The following KALRN variants were observed in gnomAD, a reference collection of about 807,000 sequenced individuals.
KALRN encodes kalirin.
Under a neutral mutation model 353.7 loss-of-function variants are expected in KALRN, and 70 were observed. The ratio of observed to expected loss-of-function variants is 0.20; its 90% CI spans 0.16 to 0.24. KALRN has a LOEUF of 0.24. Ranked by LOEUF, KALRN falls within the 10% of genes least tolerant of loss-of-function variation. The probability of loss-of-function intolerance (pLI) is 1.00; values close to 1 mark genes in which losing one functional copy is unlikely to be tolerated. For synonymous variants in KALRN, 1,391 were observed against 1,434.8 expected (o/e 0.97, Z 0.69); for missense variants, 2,791 against 3,756.7 (o/e 0.74, Z 6.72).
At chr3:124,112,127 A>G (rs2063038542) in intron 1 of KALRN, among the ~76,000 whole-genome samples, 1 of 151,950 alleles carries the variant, frequency 6.6e-6, no homozygotes, top group African/African-American at 2.4e-5. Context: ...ACATGGTGAA[A>G]CCTTGCCTCT....
chr3:124,563,048 G>A lies in KALRN; in HGVS notation c.5141G>A (p.Arg1714Gln), dbSNP rs369690103. The change falls in exon 34 of 60, where the codon CGA becomes CAA. Residue 1714 changes from arginine (R) to glutamine (Q), a missense_variant. This residue lies in a region of KALRN where 239 missense variants were observed against 351.3 expected (regional missense o/e 0.68). Transcript: ENST00000682506. The part of the protein sequence containing the change: ...PSSALCISHS[R>Q]SSVEMDCFFP... ...AGCGCCCTGTGCATCTCACACTCCC[G>A]AAGCAGCGTGGAGATGGACTGCTTC... 1.9e-4 allele frequency: 259 copies of A among 1,367,732 alleles called. No homozygotes were observed. The highest frequency in any genetic ancestry group is 2.4e-4 in the Non-Finnish European group (244 of 1,022,010). The allele number at this position is 1,367,732 out of a possible 1,614,324, so 84.7% of individuals were successfully genotyped here. A position where few individuals can be genotyped will look rare whatever the true frequency, so the allele number is the denominator to read the frequency against.
chr3:124,104,449 G>A (rs1359155593), intron 1 of KALRN, among the ~76,000 whole-genome samples: 1 of 152,240 alleles, frequency 6.6e-6, no homozygotes, highest in Non-Finnish European at 1.5e-5. Flanking sequence ...ATGGAAATCA[G>A]CAAATACAGG....
At chr3:124,674,721 G>C in intron 49 of KALRN, 107 bp downstream of exon 49, 2 of 1,214,770 alleles carry the variant, frequency 1.6e-6, no homozygotes, top group Non-Finnish European at 2.2e-6. Context: ...AATTACTACT[G>C]CTTATTCTCA....
chr3:124,203,765 A>G (rs932846662), intron 1 of KALRN, among the ~76,000 whole-genome samples: 1 of 152,190 alleles, frequency 6.6e-6, no homozygotes, highest in Non-Finnish European at 1.5e-5. Flanking sequence ...AGAGACATTA[A>G]GTAATTGCCC....
intron 32 of KALRN, among the ~76,000 whole-genome samples, chr3:124,495,965 G>GTATGTATATA (rs2063707218): frequency 1.9e-4 from 8 of 41,478 alleles, no homozygotes; most frequent in Admixed American, 6.3e-4. Context: ...GTGTATGTAT[G>GTATGTATATA]TATATATATA....
chr3:124,689,524 C>T (rs1347754652), intron 51 of KALRN, among the ~76,000 whole-genome samples: 1 of 152,080 alleles, frequency 6.6e-6, no homozygotes, highest in African/African-American at 2.4e-5. Flanking sequence ...TTTTGGATTC[C>T]AGCTCTCTCC....
Position 124,189,173 on chromosome 3 carries a change from G to A in KALRN, c.74-38817G>A, listed in dbSNP as rs1004304966. The stretch of plus-strand genomic sequence containing the variant: ...AAGATGTGCAGAAATGTCAGAGACC[G>A]TGGAGAACTGTCTCCCAACATTTAA... On this transcript the variant is annotated intron_variant, in intron 1 of 59. Coordinates refer to ENST00000682506, the MANE Select transcript of KALRN (RefSeq NM_001388419.1). Among the ~76,000 whole-genome samples the A allele has an allele frequency of 6.6e-5, 10 of 152,292 alleles. No individual in the cohort carries two copies. In the South Asian group the frequency reaches 8.3e-4, roughly 13 times the overall value.
chr3:124,550,249 T>C (rs936991279), intron 33 of KALRN, among the ~76,000 whole-genome samples: 6 of 152,180 alleles, frequency 3.9e-5, no homozygotes, highest in Admixed American at 3.3e-4. Context: ...GAGATTGGGA[T>C]GGACAGGTAG....
Position 124,326,037 on chromosome 3 carries a change from G to A in KALRN, c.1150G>A (p.Gly384Ser), listed in dbSNP as rs775831111. ...CGTGGCTTCCCGCCTCTCTGAGGCCGGTCATTATGCCTCACAACAAATCAA... is the reference window on the plus strand; with the variant it reads ...CGTGGCTTCCCGCCTCTCTGAGGCCAGTCATTATGCCTCACAACAAATCAA... The part of the protein sequence containing the change: ...MSVASRLSEA[G>S]HYASQQIKQI... Residue 384 changes from glycine (G) to serine (S), a missense_variant, in exon 7 of 60, where the codon GGT becomes AGT. Gly to Ser is a moderately conservative substitution (Grantham distance 56). Transcript: ENST00000682506. 1.9e-5 allele frequency: 30 copies of A among 1,613,708 alleles called. No individual in the cohort carries two copies. The highest frequency in any genetic ancestry group is 2.5e-5 in the Non-Finnish European group (29 of 1,179,812).
intron 33 of KALRN, among the ~76,000 whole-genome samples, chr3:124,538,256 G>T (rs1309565384): frequency 3.9e-5 from 4 of 102,226 alleles, no homozygotes; most frequent in African/African-American, 5.0e-5. Flanking sequence ...GTGTGTGTGT[G>T]TGTTTGTGTG....
At chr3:124,527,579 G>A (rs540933690) in intron 33 of KALRN, among the ~76,000 whole-genome samples, 55 of 151,702 alleles carry the variant, frequency 3.6e-4, no homozygotes, top group Non-Finnish European at 7.7e-4. Flanking sequence ...ACTCCAGCCT[G>A]GGCGACAGAG....
In KALRN at chr3:124,632,467, G is replaced by T. The variant is rs781614121; in HGVS notation, c.5230G>T (p.Val1744Leu). 3 of 1,613,908 alleles carry T rather than the reference G, an allele frequency of 1.9e-6. No individual in the cohort carries two copies. Among genetic ancestry groups the T allele is most frequent in the Non-Finnish European group, 1.7e-6 (2 of 1,179,924 alleles). The change falls in exon 35 of 60, where the codon GTG (valine) becomes TTG (leucine). Residue 1744 changes from valine to leucine, a missense_variant. By Grantham distance (32) the Val-to-Leu change is conservative (BLOSUM62 1). This residue lies in a region of KALRN where 1,065 missense variants were observed against 1,156.4 expected (regional missense o/e 0.92). Coordinates refer to ENST00000682506, the MANE Select transcript of KALRN (RefSeq NM_001388419.1). ...SSENGGKSESVANLQAQPSLN... is the reference protein window; with the variant it reads ...SSENGGKSESLANLQAQPSLN... ...CGAGAATGGAGGCAAGTCCGAGTCC[G>T]TGGCCAACCTGCAGGCCCAGCCCTC...
chr3:124,347,160 A>G lies in KALRN; in HGVS notation c.1665A>G (p.Glu555=), dbSNP rs1259322286. The G allele has an allele frequency of 6.2e-7, 1 of 1,614,058 alleles. No homozygotes were observed. The highest frequency in any genetic ancestry group is 8.5e-7 in the Non-Finnish European group (1 of 1,179,976). Residue 555 remains glutamate, a synonymous_variant, in exon 10 of 60, where the codon GAA becomes GAG. Coordinates refer to ENST00000682506, the MANE Select transcript of KALRN (RefSeq NM_001388419.1). ...QDVQQVLDWI[E]NHGEAFLSKH... The stretch of plus-strand genomic sequence containing the variant: ...TTGACCAGGTGTTGGACTGGATTGA[A>G]AACCATGGTGAGGCCTTTCTCAGCA...
At chr3:124,180,992 A>C (rs1420301638) in intron 1 of KALRN, among the ~76,000 whole-genome samples, 1 of 146,870 alleles carries the variant, frequency 6.8e-6, no homozygotes, top group Non-Finnish European at 1.5e-5. Flanking sequence ...GCCCTTCGGG[A>C]GGCTGAGGTG....
intron 1 of KALRN, among the ~76,000 whole-genome samples, chr3:124,110,934 C>T (rs1413917847): frequency 6.6e-6 from 1 of 152,200 alleles, no homozygotes. Context: ...CTTAGTTTTG[C>T]TACTAAACTA....
intron 41 of KALRN, 29 bp from the exon 42 acceptor site, chr3:124,658,402 T>C (rs1173147114): frequency 6.5e-7 from 1 of 1,540,650 alleles, no homozygotes; most frequent in East Asian, 2.2e-5. Flanking sequence ...GATGCCTGAC[T>C]GTCCACATGT....
intron 5 of KALRN, among the ~76,000 whole-genome samples, chr3:124,277,941 C>T (rs1269449871): frequency 6.6e-6 from 1 of 151,978 alleles, no homozygotes; most frequent in African/African-American, 2.4e-5. Context: ...CACACTGACT[C>T]TGTCTGCAGC....
chr3:124,702,124 C>A lies in KALRN; in HGVS notation c.8075+8C>A, dbSNP rs759354537. 5.6e-6 allele frequency: 9 copies of A among 1,596,426 alleles called. No homozygotes were observed. In the African/African-American group the frequency reaches 9.4e-5, roughly 17 times the overall value. The stretch of plus-strand genomic sequence containing the variant: ...GCTGAATGAAATTGGAAGGTAATGA[C>A]ACAGTTTTATATTCCTTCATTCATG... On this transcript the variant is annotated splice_region_variant and intron_variant, in intron 57 of 59. Coordinates refer to ENST00000682506, the MANE Select transcript of KALRN (RefSeq NM_001388419.1).
chr3:124,432,987 T>C (rs987357732), intron 16 of KALRN, among the ~76,000 whole-genome samples: 1 of 152,200 alleles, frequency 6.6e-6, no homozygotes, highest in Non-Finnish European at 1.5e-5. Flanking sequence ...TTGCAACATA[T>C]GCTCCTTCTC....
Sources: allele counts gnomAD v4.1 joint callset (sites outside exome capture counted in the v4.1 genomes callset), GRCh38; gene constraint gnomAD v4.1.1; regional missense constraint gnomAD v4.1.1; transcripts MANE v1.5; gene names NCBI Gene and HGNC (gene_info 2026-07-23, HGNC 2026-07-21).